TMEM132D: variants seen among roughly 807,000 people sequenced by gnomAD.
TMEM132D encodes mature OL transmembrane protein.
Under a neutral mutation model 62.3 loss-of-function variants are expected in TMEM132D, and 21 were observed. That is an observed-to-expected ratio of 0.34 (90% CI 0.24 to 0.49). The LOEUF (loss-of-function observed/expected upper bound fraction) is 0.49. Among genes scored for constraint, TMEM132D ranks in the 20% least tolerant of loss-of-function variants. The pLI, the probability that TMEM132D is intolerant of heterozygous loss-of-function variation, is 0.99. For synonymous variants in TMEM132D, 621 were observed against 575.6 expected, an observed-to-expected ratio of 1.08 and a Z score of -1.13; for missense variants, 1,346 against 1,402.8, an observed-to-expected ratio of 0.96 and a Z score of 0.65.
At chr12:129,452,198 T>C (rs1415535283) in intron 3 of TMEM132D, among the ~76,000 whole-genome samples, 2 of 152,192 alleles carry the variant, frequency 1.3e-5, no homozygotes, top group African/African-American at 2.4e-5. Context: ...GGATTTTGCC[T>C]GAGAAAAGGG....
intron 5 of TMEM132D, among the ~76,000 whole-genome samples, chr12:129,153,267 G>A (rs927762467): frequency 3.3e-5 from 5 of 152,180 alleles, no homozygotes; most frequent in Non-Finnish European, 7.3e-5. Context: ...TGCAGTAGCC[G>A]CAAGTCAGAG....
rs767166187 is a variant in TMEM132D, at chr12:129,278,676, G to T, written c.1299+58958C>A. Among the ~76,000 whole-genome samples the T allele has an allele frequency of 3.5e-4, 53 of 152,122 alleles. 1 individual carries two copies. Among genetic ancestry groups the T allele is most frequent in the Non-Finnish European group, 7.2e-4 (49 of 68,026 alleles). On this transcript the variant is annotated intron_variant, in intron 4 of 8. Coordinates refer to ENST00000422113, the MANE Select transcript of TMEM132D (RefSeq NM_133448.3). ...CTTCTGTGGGCTTTGGCTCTGGGAG[G>T]AATAAAGACAATTTTGCCTTTTAAA...
intron 5 of TMEM132D, among the ~76,000 whole-genome samples, chr12:129,185,769 G>GTCTA (rs1271637169): frequency 1.7e-4 from 18 of 103,166 alleles, no homozygotes; most frequent in African/African-American, 4.8e-4. Flanking sequence ...TCATCTGTCT[G>GTCTA]TCTGTCTATC....
chr12:129,587,988 CG>C (rs1878078634), intron 2 of TMEM132D, among the ~76,000 whole-genome samples: 1 of 152,130 alleles, frequency 6.6e-6, no homozygotes, highest in Admixed American at 6.5e-5. Flanking sequence ...CTGGAGACAC[CG>C]GGGAAGAGCC....
intron 4 of TMEM132D, among the ~76,000 whole-genome samples, chr12:129,287,798 G>C (rs908900708): frequency 2.0e-5 from 3 of 152,280 alleles, no homozygotes; most frequent in Non-Finnish European, 4.4e-5. Flanking sequence ...ATTTGGTGAA[G>C]AGACTATCCG....
chr12:129,458,021 G>A (rs7484466), intron 3 of TMEM132D, among the ~76,000 whole-genome samples: 19,099 of 151,992 alleles, frequency 0.13, 1,289 homozygotes, highest in South Asian at 0.2. Flanking sequence ...ACCTACCCAC[G>A]GGCACTTCCT....
At chr12:129,870,108 G>A (rs758460584) in intron 1 of TMEM132D, among the ~76,000 whole-genome samples, 35 of 152,088 alleles carry the variant, frequency 2.3e-4, no homozygotes, top group African/African-American at 7.7e-4. Context: ...TCAGCCTCCC[G>A]AGTAGCTGGG....
Position 129,281,733 on chromosome 12 carries a change from A to C in TMEM132D, c.1299+55901T>G, listed in dbSNP as rs1263804212. Among the ~76,000 whole-genome samples the C allele has an allele frequency of 2.6e-5, 4 of 152,186 alleles. No homozygotes were observed. In the East Asian group the frequency reaches 7.7e-4, roughly 29 times the overall value. Reference sequence around the variant, plus strand: ...CTGCATCCACTGTGAAAGCTGGATGATAACAGCTCCCAGCTCCCATTGGCC... The same window carrying C: ...CTGCATCCACTGTGAAAGCTGGATGCTAACAGCTCCCAGCTCCCATTGGCC... On this transcript the variant is annotated intron_variant, in intron 4 of 8. Coordinates refer to ENST00000422113, the MANE Select transcript of TMEM132D (RefSeq NM_133448.3).
intron 2 of TMEM132D, among the ~76,000 whole-genome samples, chr12:129,623,754 TATACAC>T (rs1879142329): frequency 6.7e-6 from 1 of 148,252 alleles, no homozygotes; most frequent in Non-Finnish European, 1.5e-5. Flanking sequence ...TACACATATA[TATACAC>T]ACATATATAT....
chr12:129,839,912 G>A (rs1386244550), intron 1 of TMEM132D: 3 of 152,052 alleles, frequency 2.0e-5, no homozygotes, highest in African/African-American at 7.2e-5. Flanking sequence ...CACACAGAAC[G>A]TCCGTGAGTG....
intron 2 of TMEM132D, among the ~76,000 whole-genome samples, chr12:129,583,902 TTTGA>T (rs1877947135): frequency 6.6e-6 from 1 of 152,252 alleles, no homozygotes; most frequent in African/African-American, 2.4e-5. Flanking sequence ...TGTCAACCTC[TTTGA>T]TTATTAGTTG....
At chr12:129,806,997 G>A (rs1229274976) in intron 1 of TMEM132D, among the ~76,000 whole-genome samples, 1 of 152,160 alleles carries the variant, frequency 6.6e-6, no homozygotes, top group Non-Finnish European at 1.5e-5. Context: ...CTGCACCACT[G>A]CACTTCAGCC....
At chr12:129,386,572 AC>A (rs1871110497) in intron 3 of TMEM132D, among the ~76,000 whole-genome samples, 1 of 151,942 alleles carries the variant, frequency 6.6e-6, no homozygotes, top group Non-Finnish European at 1.5e-5. Context: ...TAACACTAAC[AC>A]CAACGCCAAT....
At chr12:129,567,273 T>A (rs1382637715) in intron 2 of TMEM132D, among the ~76,000 whole-genome samples, 1 of 152,230 alleles carries the variant, frequency 6.6e-6, no homozygotes, top group Non-Finnish European at 1.5e-5. Flanking sequence ...GCAACATCAC[T>A]AGTGAATCAA....
In TMEM132D at chr12:129,466,744, T is replaced by C. The variant is rs116003253; in HGVS notation, c.1115+64315A>G. Among the ~76,000 whole-genome samples the C allele has an allele frequency of 5.5e-3, 833 of 152,326 alleles. 6 individuals are homozygous for C. The highest frequency in any genetic ancestry group is 0.019 in the African/African-American group (793 of 41,586). On this transcript the variant is annotated intron_variant, in intron 3 of 8. Coordinates refer to ENST00000422113, the MANE Select transcript of TMEM132D (RefSeq NM_133448.3). ...ACTTGCAGTTTCCCATTCACTCTGC[T>C]CATTGCTTACTTGTTCTCATGTATT...
chr12:129,361,380 C>A (rs564863395), intron 3 of TMEM132D, among the ~76,000 whole-genome samples: 2 of 152,332 alleles, frequency 1.3e-5, no homozygotes, highest in African/African-American at 4.8e-5. Context: ...TGCAAGGGAG[C>A]AGACACCACA....
At chr12:129,124,044 A>G (rs2135657240) in intron 5 of TMEM132D, among the ~76,000 whole-genome samples, 1 of 152,258 alleles carries the variant, frequency 6.6e-6, no homozygotes, top group South Asian at 2.1e-4. Context: ...CCATCTGTCT[A>G]TCTATGTGCA....
chr12:129,798,598 G>A (rs1400527300), intron 1 of TMEM132D, among the ~76,000 whole-genome samples: 3 of 152,128 alleles, frequency 2.0e-5, no homozygotes, highest in Admixed American at 1.3e-4. Context: ...TGCCCATTAG[G>A]AGATGAAAGA....
chr12:129,702,185 C>A (rs1881400330), intron 1 of TMEM132D, among the ~76,000 whole-genome samples: 1 of 152,176 alleles, frequency 6.6e-6, no homozygotes, highest in Non-Finnish European at 1.5e-5. Flanking sequence ...TCGGCATGAC[C>A]AAACTCAGAG....
Sources: gnomAD v4.1 joint callset for allele counts (sites outside exome capture counted in the v4.1 genomes callset) on GRCh38, gnomAD v4.1.1 for gene constraint, MANE v1.5 for transcripts, NCBI Gene and HGNC (gene_info 2026-07-23, HGNC 2026-07-21) for gene names.